The following KCTD1 variants were observed in gnomAD, a reference collection of about 807,000 sequenced individuals.
KCTD1 encodes BTB/POZ domain-containing protein KCTD1.
In KCTD1, 24 loss-of-function variants were observed where a neutral mutation model predicts 66.0. The ratio of observed to expected loss-of-function variants is 0.36; its 90% CI spans 0.26 to 0.51. KCTD1 has a LOEUF of 0.51. Among genes scored for constraint, KCTD1 ranks in the 20% least tolerant of loss-of-function variants. The probability of loss-of-function intolerance (pLI) is 0.95; values close to 1 mark genes in which losing one functional copy is unlikely to be tolerated. For synonymous variants in KCTD1, 511 were observed against 517.2 expected (o/e 0.99, Z 0.16); for missense variants, 943 against 1,205.2 (o/e 0.78, Z 3.22).
intron 1 of KCTD1, among the ~76,000 whole-genome samples, chr18:26,582,198 G>A (rs555490213): frequency 6.6e-6 from 1 of 152,026 alleles, no homozygotes; most frequent in East Asian, 1.9e-4. Flanking sequence ...CTTGAGCCTG[G>A]GAGGTGGAGG....
At chr18:26,558,932 C>CA (rs1985776470) in intron 1 of KCTD1, among the ~76,000 whole-genome samples, 1 of 146,002 alleles carries the variant, frequency 6.8e-6, no homozygotes, top group Admixed American at 6.8e-5. Flanking sequence ...CAAAAAGAAG[C>CA]AAAAAAAGAA....
intron 2 of KCTD1, among the ~76,000 whole-genome samples, chr18:26,479,418 C>A (rs1443878646): frequency 6.6e-6 from 1 of 152,252 alleles, no homozygotes; most frequent in East Asian, 1.9e-4. Flanking sequence ...ACCGCAGACC[C>A]CCCGCCAGGC....
upstream of KCTD1, among the ~76,000 whole-genome samples, chr18:26,644,299 G>A (rs1987891383): frequency 6.6e-6 from 1 of 152,146 alleles, no homozygotes; most frequent in African/African-American, 2.4e-5. Context: ...GAGGAAAAAG[G>A]AAGGTTATCA....
intron 1 of KCTD1, among the ~76,000 whole-genome samples, chr18:26,635,275 T>C (rs1325735818): frequency 6.6e-6 from 1 of 152,248 alleles, no homozygotes; most frequent in Non-Finnish European, 1.5e-5. Flanking sequence ...CTGTTTTCTC[T>C]TCTATAAAGT....
intron 4 of KCTD1, 85 bp downstream of exon 4, chr18:26,459,535 G>C: frequency 7.5e-7 from 1 of 1,338,560 alleles, no homozygotes; most frequent in Non-Finnish European, 1.0e-6. Context: ...AAGCTCTTTG[G>C]AGGAAAGGCA....
chr18:26,587,391 C>A (rs1477033585), intron 1 of KCTD1, among the ~76,000 whole-genome samples: 1 of 152,134 alleles, frequency 6.6e-6, no homozygotes, highest in African/African-American at 2.4e-5. Context: ...CACCTAGTCA[C>A]CCAGGAGTGC....
At chr18:26,495,464 A>G (rs1982421850) in intron 2 of KCTD1, among the ~76,000 whole-genome samples, 1 of 152,140 alleles carries the variant, frequency 6.6e-6, no homozygotes, top group Non-Finnish European at 1.5e-5. Flanking sequence ...CAGAGCACAC[A>G]TGTTTGGCAT....
chr18:26,559,464 C>T (rs1688913880), intron 1 of KCTD1, among the ~76,000 whole-genome samples: 1 of 152,208 alleles, frequency 6.6e-6, no homozygotes, highest in Non-Finnish European at 1.5e-5. Flanking sequence ...TTCAGCCAGT[C>T]TGGGGTGGAG....
intron 1 of KCTD1, among the ~76,000 whole-genome samples, chr18:26,591,040 AT>A (rs939659812): frequency 1.1e-4 from 17 of 151,538 alleles, no homozygotes; most frequent in East Asian, 5.8e-4. Context: ...AAATCACTGA[AT>A]TTTTTTTTCA....
intron 1 of KCTD1, among the ~76,000 whole-genome samples, chr18:26,647,848 GT>G (rs1367870960): frequency 1.3e-5 from 2 of 151,094 alleles, no homozygotes; most frequent in African/African-American, 4.9e-5. Context: ...GTTTTGTTTT[GT>G]TTTTGGAGAC....
chr18:26,599,028 G>C (rs1411182569), intron 1 of KCTD1, among the ~76,000 whole-genome samples: 2 of 151,808 alleles, frequency 1.3e-5, no homozygotes, highest in Non-Finnish European at 2.9e-5. Flanking sequence ...TTTTTCTTTT[G>C]TTACTTGTGT....
chr18:26,469,002 C>A (rs578166795), intron 3 of KCTD1, among the ~76,000 whole-genome samples: 1 of 152,306 alleles, frequency 6.6e-6, no homozygotes, highest in East Asian at 1.9e-4. Context: ...ACTGCTCCTG[C>A]TGATGCAATT....
intron 2 of KCTD1, among the ~76,000 whole-genome samples, chr18:26,494,447 T>C (rs1982363908): frequency 6.6e-6 from 1 of 152,196 alleles, no homozygotes; most frequent in Admixed American, 6.6e-5. Flanking sequence ...ATCTTTCCTT[T>C]AAATTAGGCT....
intron 1 of KCTD1, among the ~76,000 whole-genome samples, chr18:26,628,991 T>C (rs1366561291): frequency 6.6e-6 from 1 of 152,216 alleles, no homozygotes; most frequent in Admixed American, 6.5e-5. Context: ...AGGGGACTTT[T>C]AGTAAATGAA....
At chr18:26,546,177 T>C (rs1355919322) in intron 1 of KCTD1, among the ~76,000 whole-genome samples, 1 of 147,668 alleles carries the variant, frequency 6.8e-6, no homozygotes, top group East Asian at 2.0e-4. Flanking sequence ...TGTTACAGTA[T>C]AAACTGGCAC....
At chr18:26,593,653 G>GAGA (rs1986688309) in intron 1 of KCTD1, among the ~76,000 whole-genome samples, 1 of 118,802 alleles carries the variant, frequency 8.4e-6, no homozygotes, top group Non-Finnish European at 1.8e-5. Context: ...GAAGGAAGAG[G>GAGA]AGGAAGAGGA....
At chr18:26,649,926 C>A (rs1335612125) in intron 1 of KCTD1, among the ~76,000 whole-genome samples, 1 of 152,138 alleles carries the variant, frequency 6.6e-6, no homozygotes, top group Non-Finnish European at 1.5e-5. Flanking sequence ...GGTATCAGAC[C>A]GGGTCCCGTG....
chr18:26,580,509 G>C (rs565919028), intron 1 of KCTD1, among the ~76,000 whole-genome samples: 1 of 152,282 alleles, frequency 6.6e-6, no homozygotes, highest in East Asian at 1.9e-4. Context: ...CTCTCAGCCT[G>C]CGTTGGTGTG....
intron 1 of KCTD1, among the ~76,000 whole-genome samples, chr18:26,522,349 C>T (rs1983953357): frequency 6.6e-6 from 1 of 152,118 alleles, no homozygotes; most frequent in East Asian, 1.9e-4. Context: ...TGTCTACAAG[C>T]CAAGGAACAC....
Sources: allele counts gnomAD v4.1 joint callset (sites outside exome capture counted in the v4.1 genomes callset), GRCh38; gene constraint gnomAD v4.1.1; transcripts MANE v1.5; gene names NCBI Gene and HGNC (gene_info 2026-07-23, HGNC 2026-07-21).